DMD: variants seen among roughly 807,000 people sequenced by gnomAD.
The protein encoded by DMD is dystrophin.
In DMD, 63 loss-of-function variants were observed where a neutral mutation model predicts 330.1. The ratio of observed to expected loss-of-function variants is 0.19; its 90% CI spans 0.16 to 0.24. The LOEUF (loss-of-function observed/expected upper bound fraction) is 0.24. Ranked by LOEUF, DMD falls within the 10% of genes least tolerant of loss-of-function variation. DMD has a pLI of 1.00. For missense variants in DMD, 3,344 were observed against 2,684.1 expected, an observed-to-expected ratio of 1.25 and a Z score of -5.43; for synonymous variants, 1,223 against 959.8, an observed-to-expected ratio of 1.27 and a Z score of -5.07.
At chrX:32,567,929 T>A (rs1455388244) in intron 15 of DMD, among the ~76,000 whole-genome samples, 1 of 111,012 alleles carries the variant, frequency 9.0e-6, no homozygotes, top group Non-Finnish European at 1.9e-5. Flanking sequence ...AAAAAAAAAA[T>A]CTAAGTACAA....
intron 44 of DMD, among the ~76,000 whole-genome samples, chrX:32,017,883 C>T (rs945450068): frequency 6.3e-5 from 7 of 111,707 alleles, no homozygotes; most frequent in African/African-American, 2.3e-4. Flanking sequence ...GTTTCATCCT[C>T]AATACCAAAT....
intron 45 of DMD, among the ~76,000 whole-genome samples, chrX:31,949,473 A>G (rs2095130714): frequency 9.0e-6 from 1 of 111,379 alleles, no homozygotes; most frequent in South Asian, 3.7e-4. Context: ...CAGGAATGTA[A>G]TTTATTCTTG....
intron 34 of DMD, among the ~76,000 whole-genome samples, chrX:32,379,605 A>T (rs1046570292): frequency 8.9e-6 from 1 of 111,863 alleles, no homozygotes; most frequent in East Asian, 2.8e-4. Context: ...GAAATATTTT[A>T]TGTAACAAAA....
chrX:32,472,889 T>C (rs2040813545), intron 21 of DMD, among the ~76,000 whole-genome samples: 1 of 111,041 alleles, frequency 9.0e-6, no homozygotes, highest in South Asian at 3.7e-4. Flanking sequence ...AATAAACCTG[T>C]GAGACATATA....
At chrX:31,465,019 C>T (rs971314865) in intron 59 of DMD, among the ~76,000 whole-genome samples, 7 of 111,721 alleles carry the variant, frequency 6.3e-5, no homozygotes, top group East Asian at 2.8e-4. Context: ...ACACACACAG[C>T]GCTATCTAAA....
At chrX:33,313,887 A>G (rs1175774597) in intron 1 of DMD, among the ~76,000 whole-genome samples, 2 of 111,416 alleles carry the variant, frequency 1.8e-5, no homozygotes, top group Non-Finnish European at 3.8e-5. Flanking sequence ...GATGATGTTT[A>G]CCATGAATTT....
At chrX:31,768,205 C>G (rs940966420) in intron 51 of DMD, among the ~76,000 whole-genome samples, 1 of 111,331 alleles carries the variant, frequency 9.0e-6, no homozygotes, top group East Asian at 2.8e-4. Context: ...CACAGGCAAT[C>G]AGACACCAGT....
intron 17 of DMD, among the ~76,000 whole-genome samples, chrX:32,522,458 G>A (rs1169124304): frequency 9.0e-6 from 1 of 111,647 alleles, no homozygotes; most frequent in African/African-American, 3.3e-5. Flanking sequence ...GTGTACTTGG[G>A]ATATCCATAA....
intron 49 of DMD, among the ~76,000 whole-genome samples, chrX:31,826,351 A>C (rs1315125020): frequency 8.9e-6 from 1 of 112,525 alleles, no homozygotes; most frequent in Middle Eastern, 4.2e-3. Flanking sequence ...ATCTTTTATA[A>C]TTATTAGCAA....
chrX:32,509,012 G>A (rs537646189), intron 18 of DMD, among the ~76,000 whole-genome samples: 2 of 108,688 alleles, frequency 1.8e-5, no homozygotes, highest in African/African-American at 6.7e-5. Context: ...AGGCTTCATG[G>A]TGTCAACCAT....
chrX:33,025,472 G>GGA (rs750621035), intron 1 of DMD, among the ~76,000 whole-genome samples: 3 of 101,311 alleles, frequency 3.0e-5, no homozygotes, highest in East Asian at 3.1e-4. Flanking sequence ...AAAACTGGGG[G>GGA]AAAAAAAAAA....
intron 55 of DMD, among the ~76,000 whole-genome samples, chrX:31,597,799 C>G (rs2077174989): frequency 8.9e-6 from 1 of 111,766 alleles, no homozygotes; most frequent in South Asian, 3.7e-4. Flanking sequence ...CATTTTATTT[C>G]TAATAACTGG....
intron 11 of DMD, chrX:32,641,604 G>A (rs191568519): frequency 5.0e-4 from 80 of 161,346 alleles, no homozygotes; most frequent in Admixed American, 9.4e-4. Context: ...AAGTGTAAAT[G>A]TTCATAGATT....
intron 1 of DMD, among the ~76,000 whole-genome samples, chrX:33,228,431 G>A (rs1413523281): frequency 2.7e-5 from 3 of 109,281 alleles, no homozygotes; most frequent in Non-Finnish European, 5.7e-5. Flanking sequence ...CAGGAACTTG[G>A]AGAAGAGAGT....
rs369351099 is a variant in DMD, at chrX:32,306,046, G to GT, written c.6117+4035dup. 4.6e-3 allele frequency among the ~76,000 whole-genome samples: 461 copies of GT among 99,276 alleles called. 2 individuals are homozygous for GT. The highest frequency in any genetic ancestry group is 0.012 in the African/African-American group (324 of 27,510). 86.2% of individuals were successfully genotyped at this position (99,276 alleles called of 115,157 possible). On this transcript the variant is annotated intron_variant, in intron 42 of 78. Transcript: ENST00000357033. The stretch of plus-strand genomic sequence containing the variant: ...TCCTATATCCCCTTAACAGATTCTG[G>GT]TTTTTTTTTTTTTCCCAAAATACGT...
intron 57 of DMD, among the ~76,000 whole-genome samples, chrX:31,493,002 T>C (rs2069457157): frequency 9.0e-6 from 1 of 111,422 alleles, no homozygotes; most frequent in African/African-American, 3.3e-5. Flanking sequence ...TCTGCACATG[T>C]ATCCCAGAAT....
At chrX:32,135,554 C>T (rs1569546138) in intron 44 of DMD, among the ~76,000 whole-genome samples, 1 of 111,007 alleles carries the variant, frequency 9.0e-6, no homozygotes, top group African/African-American at 3.3e-5. Flanking sequence ...AACACCATCT[C>T]TAAAAAAAAA....
intron 48 of DMD, among the ~76,000 whole-genome samples, chrX:31,845,411 CTCTCTCTCTCTCT>C (rs1569474918): frequency 2.9e-4 from 31 of 105,211 alleles, no homozygotes; most frequent in African/African-American, 9.7e-4. Flanking sequence ...CTCTCTCTCT[CTCTCTCTCTCTCT>C]CCCTCTCCTC....
At chrX:31,411,952 G>A (rs747620777) in intron 60 of DMD, among the ~76,000 whole-genome samples, 10 of 110,045 alleles carry the variant, frequency 9.1e-5, no homozygotes, top group Non-Finnish European at 1.5e-4. Flanking sequence ...TAGGGAGGTC[G>A]AGGCGGGCGA....
Sources: gnomAD v4.1 joint callset for allele counts (sites outside exome capture counted in the v4.1 genomes callset) on GRCh38, gnomAD v4.1.1 for gene constraint, MANE v1.5 for transcripts, NCBI Gene and HGNC (gene_info 2026-07-23, HGNC 2026-07-21) for gene names.